The following GRIK4 variants were observed in gnomAD, a reference collection of about 807,000 sequenced individuals.
GRIK4 encodes the protein glutamate ionotropic receptor kainate type subunit 4.
A neutral mutation model predicts 104.9 loss-of-function variants in GRIK4; 40 were observed. The observed-to-expected ratio is 0.38, with a 90% CI of 0.30 to 0.50. The LOEUF is 0.50. Ranked by LOEUF, GRIK4 falls within the 20% of genes least tolerant of loss-of-function variation. GRIK4 has a pLI of 0.93. For synonymous variants in GRIK4, 485 were observed against 524.9 expected, an observed-to-expected ratio of 0.92 and a Z score of 1.04; for missense variants, 1,047 against 1,308.1, an observed-to-expected ratio of 0.80 and a Z score of 3.08.
chr11:120,785,422 A>G (rs1210158061), intron 3 of GRIK4, among the ~76,000 whole-genome samples: 2 of 152,222 alleles, frequency 1.3e-5, no homozygotes, highest in African/African-American at 4.8e-5. Context: ...AACTGGGAAT[A>G]TCAATCAGGT....
intron 1 of GRIK4, among the ~76,000 whole-genome samples, chr11:120,582,794 T>C (rs1948605907): frequency 6.6e-6 from 1 of 152,222 alleles, no homozygotes; most frequent in Non-Finnish European, 1.5e-5. Flanking sequence ...GTCTTTGCTA[T>C]TGTGAATAGT....
At chr11:120,745,069 T>A (rs546788073) in intron 3 of GRIK4, among the ~76,000 whole-genome samples, 1 of 152,252 alleles carries the variant, frequency 6.6e-6, no homozygotes, top group Admixed American at 6.5e-5. Context: ...TGAGTAGGGA[T>A]GTAAATGGGA....
chr11:120,661,128 A>G (rs889623590), intron 3 of GRIK4, among the ~76,000 whole-genome samples: 2 of 152,180 alleles, frequency 1.3e-5, no homozygotes, highest in Non-Finnish European at 2.9e-5. Context: ...CACAGGGACA[A>G]GGACACAGTT....
At chr11:120,894,710 T>TG (rs905071808) in intron 11 of GRIK4, 6 of 152,240 alleles carry the variant, frequency 3.9e-5, no homozygotes, top group African/African-American at 1.2e-4. Context: ...ACAGGAGGTT[T>TG]GGGGGGCAGG....
intron 1 of GRIK4, among the ~76,000 whole-genome samples, chr11:120,651,327 G>C (rs558657680): frequency 6.6e-6 from 1 of 152,306 alleles, no homozygotes; most frequent in South Asian, 2.1e-4. Context: ...AAAGTTCTCA[G>C]AGATTAAGCA....
chr11:120,746,333 A>G (rs1270747758), intron 3 of GRIK4, among the ~76,000 whole-genome samples: 1 of 152,144 alleles, frequency 6.6e-6, no homozygotes, highest in African/African-American at 2.4e-5. Context: ...CTGAAAACTC[A>G]AGGGAGGTAC....
At chr11:120,625,908 A>G (rs1321327657) in intron 1 of GRIK4, among the ~76,000 whole-genome samples, 2 of 152,108 alleles carry the variant, frequency 1.3e-5, no homozygotes, top group African/African-American at 2.4e-5. Context: ...GAGGCTTCCC[A>G]GTCCCTCTTC....
chr11:120,969,673 G>C (rs1565469616), intron 19 of GRIK4, among the ~76,000 whole-genome samples: 1 of 152,162 alleles, frequency 6.6e-6, no homozygotes, highest in South Asian at 2.1e-4. Context: ...TGATAACAAT[G>C]AGTTAAAGGA....
intron 3 of GRIK4, among the ~76,000 whole-genome samples, chr11:120,755,227 A>G (rs1188426583): frequency 6.6e-6 from 1 of 152,156 alleles, no homozygotes; most frequent in Non-Finnish European, 1.5e-5. Flanking sequence ...TGTGGTGAGG[A>G]GAACACAATT....
intron 7 of GRIK4, among the ~76,000 whole-genome samples, chr11:120,833,635 AT>A (rs1953496383): frequency 6.6e-6 from 1 of 152,206 alleles, no homozygotes. Context: ...ATGTTGCACT[AT>A]TATTTTTTTT....
At chr11:120,523,990 G>C (rs535089706) in intron 1 of GRIK4, among the ~76,000 whole-genome samples, 1 of 150,804 alleles carries the variant, frequency 6.6e-6, no homozygotes, top group Non-Finnish European at 1.5e-5. Context: ...GCAGTGGCAC[G>C]ATCTCGGCTC....
At chr11:120,574,775 G>A (rs543393032) in intron 1 of GRIK4, among the ~76,000 whole-genome samples, 1 of 152,202 alleles carries the variant, frequency 6.6e-6, no homozygotes, top group African/African-American at 2.4e-5. Flanking sequence ...CCATCAGTCT[G>A]TGGGGAGGGG....
intron 3 of GRIK4, among the ~76,000 whole-genome samples, chr11:120,695,789 C>T (rs1249340153): frequency 6.6e-6 from 1 of 152,230 alleles, no homozygotes; most frequent in African/African-American, 2.4e-5. Context: ...AGAGGCCTGG[C>T]AGGTTGGCAG....
At position 120,856,061 on chromosome 11, in the gene GRIK4, C is replaced by T. The variant is rs559992458; in HGVS notation, c.745-5898C>T. Among the ~76,000 whole-genome samples the T allele has an allele frequency of 7.9e-5, 12 of 152,294 alleles. No homozygotes were observed. In the South Asian group the frequency reaches 1.2e-3, roughly 16 times the overall value. ...ACCCACTTTGGTGACACCGGCAGCA[C>T]GGAGGATGGATTGCACTTGGACAGA... On this transcript the variant is annotated intron_variant, in intron 8 of 20. Transcript: ENST00000527524.
chr11:120,876,433 CTGTCAT>C (rs1954821384), intron 11 of GRIK4, among the ~76,000 whole-genome samples: 1 of 143,408 alleles, frequency 7.0e-6, no homozygotes, highest in African/African-American at 2.6e-5. Context: ...ATCACCACCA[CTGTCAT>C]CACCACCACC....
chr11:120,533,336 G>A (rs953473914), intron 1 of GRIK4, among the ~76,000 whole-genome samples: 6 of 152,244 alleles, frequency 3.9e-5, no homozygotes, highest in African/African-American at 1.2e-4. Flanking sequence ...ATTGGGCAGA[G>A]TTCTGAGGGC....
intron 3 of GRIK4, among the ~76,000 whole-genome samples, chr11:120,738,793 T>C (rs1432238069): frequency 6.6e-6 from 1 of 152,184 alleles, no homozygotes; most frequent in African/African-American, 2.4e-5. Flanking sequence ...GAGGATGTAT[T>C]CTCCCTGTGT....
intron 11 of GRIK4, among the ~76,000 whole-genome samples, chr11:120,888,950 C>G (rs924999158): frequency 6.6e-6 from 1 of 152,178 alleles, no homozygotes; most frequent in African/African-American, 2.4e-5. Context: ...AGTTCCCAGC[C>G]TTCCCTGGAC....
chr11:120,715,740 C>G (rs1020868087), intron 3 of GRIK4, among the ~76,000 whole-genome samples: 3 of 152,214 alleles, frequency 2.0e-5, no homozygotes, highest in Admixed American at 6.5e-5. Flanking sequence ...CACCAGGCCA[C>G]GTGGGCGCCA....
Sources: gnomAD v4.1 joint callset for allele counts (sites outside exome capture counted in the v4.1 genomes callset) on GRCh38, gnomAD v4.1.1 for gene constraint, MANE v1.5 for transcripts, NCBI Gene and HGNC (gene_info 2026-07-23, HGNC 2026-07-21) for gene names.